Variants in KAZN observed in about 807,000 individuals in gnomAD.
KAZN encodes kazrin, periplakin interacting protein.
KAZN carries 40 observed loss-of-function variants against 87.4 expected under a neutral mutation model. The observed-to-expected ratio is 0.46, with a 90% confidence interval of 0.36 to 0.60. KAZN has a LOEUF of 0.60. KAZN is among the 20% of genes least tolerant of loss of function. The pLI, the probability that KAZN is intolerant of heterozygous loss-of-function variation, is 0.00. For synonymous variants in KAZN, 466 were observed against 458.3 expected, an observed-to-expected ratio of 1.02 and a Z score of -0.22; for missense variants, 898 against 1,073.9, an observed-to-expected ratio of 0.84 and a Z score of 2.29.
intron 8 of KAZN, among the ~76,000 whole-genome samples, chr1:15,087,392 CT>C (rs200078543): frequency 1.4e-5 from 2 of 139,442 alleles, no homozygotes; most frequent in African/African-American, 5.7e-5. Context: ...GCTTAAAGCA[CT>C]TTTTTCTTTT....
intron 1 of KAZN, among the ~76,000 whole-genome samples, chr1:14,671,169 A>C (rs1331674331): frequency 6.6e-6 from 1 of 152,158 alleles, no homozygotes; most frequent in Non-Finnish European, 1.5e-5. Flanking sequence ...GTTGTCCAAT[A>C]TTTGGTTTAT....
At chr1:14,828,183 C>A (rs1324656127) in intron 1 of KAZN, among the ~76,000 whole-genome samples, 1 of 152,210 alleles carries the variant, frequency 6.6e-6, no homozygotes, top group Non-Finnish European at 1.5e-5. Context: ...GTTCAGGGAA[C>A]TTTCTGAATT....
In KAZN at chr1:15,077,422, G is replaced by C. The variant is rs1440122476; in HGVS notation, c.1222+11669G>C. On this transcript the variant is annotated intron_variant, in intron 8 of 14. Transcript: ENST00000376030. This position sits in a 1 kb window ranked among gnomAD's most constrained non-coding sequence, Gnocchi z 4.8. ...GGCCAGGCAGCAGGGCTCCACGCTT[G>C]TTTCTCAACCCAGAGAAGTGTTCCC... 6.6e-6 allele frequency among the ~76,000 whole-genome samples: 1 copy of C among 152,196 alleles called. No individual in the cohort carries two copies. Among genetic ancestry groups the C allele is most frequent in the East Asian group, 1.9e-4 (1 of 5,194 alleles).
chr1:14,082,542 G>A (rs1235634342), intron 1 of KAZN, among the ~76,000 whole-genome samples: 2 of 152,132 alleles, frequency 1.3e-5, no homozygotes, highest in African/African-American at 2.4e-5. Context: ...TTAATAGTGT[G>A]TTCTGGGCAT....
At chr1:14,955,170 A>G (rs12069438) in intron 1 of KAZN, among the ~76,000 whole-genome samples, 11,135 of 152,336 alleles carry the variant, frequency 0.073, 1,374 homozygotes, top group African/African-American at 0.25. Context: ...AGAAAGAAAC[A>G]CAAGTCTTCC....
chr1:14,721,827 A>G (rs535048811), intron 1 of KAZN, among the ~76,000 whole-genome samples: 3 of 151,506 alleles, frequency 2.0e-5, no homozygotes, highest in South Asian at 4.1e-4. Flanking sequence ...GTAGAAATAC[A>G]TATACTCTGG....
chr1:14,928,803 A>G (rs1413131208), intron 1 of KAZN, among the ~76,000 whole-genome samples: 1 of 152,184 alleles, frequency 6.6e-6, no homozygotes, highest in African/African-American at 2.4e-5. Context: ...GTTCTTCTGG[A>G]CAATCAGGGT....
chr1:13,981,089 T>TATATATATATATATATATATATATATA lies in KAZN; in HGVS notation c.91+87333_91+87334insATATATATATATATATATATATATATA, dbSNP rs1553181094. ...TTGGAGAGGTATAAAAAATTACTCT[T>TATATATATATATATATATATATATATA]TATATATATATATATATATATGTAT... is the stretch of plus-strand genomic sequence containing the variant. On this transcript the variant is annotated intron_variant, in intron 1 of 16. Transcript: ENST00000636203. Among the ~76,000 whole-genome samples, 445 of 63,014 alleles carry TATATATATATATATATATATATATATA rather than the reference T, an allele frequency of 7.1e-3. 45 individuals carry two copies. The highest frequency in any genetic ancestry group is 0.014 in the Middle Eastern group (1 of 70). The allele number at this position is 63,014 out of a possible 152,430, so 41.3% of individuals were successfully genotyped here.
chr1:14,931,833 A>G (rs1369577482), intron 1 of KAZN, among the ~76,000 whole-genome samples: 2 of 151,874 alleles, frequency 1.3e-5, no homozygotes. Flanking sequence ...GCACCTTTTC[A>G]CTCCCACCAG....
chr1:14,508,600 G>A (rs928975317), intron 2 of KAZN, among the ~76,000 whole-genome samples: 3 of 152,148 alleles, frequency 2.0e-5, no homozygotes, highest in Admixed American at 6.5e-5. Context: ...CAATAGAGGC[G>A]CTCTCCACTA....
chr1:13,902,104 C>T (rs754548324), intron 1 of KAZN, among the ~76,000 whole-genome samples: 1 of 152,238 alleles, frequency 6.6e-6, no homozygotes, highest in Non-Finnish European at 1.5e-5. Context: ...TGGCTCTCTG[C>T]CCTTGATGGT....
chr1:14,318,663 T>C (rs1655823245), intron 2 of KAZN, among the ~76,000 whole-genome samples: 1 of 152,116 alleles, frequency 6.6e-6, no homozygotes, highest in African/African-American at 2.4e-5. Context: ...CAAACTTCTA[T>C]AACATGTACA....
At chr1:14,292,985 A>C (rs1170360575) in intron 2 of KAZN, among the ~76,000 whole-genome samples, 1 of 152,230 alleles carries the variant, frequency 6.6e-6, no homozygotes, top group Non-Finnish European at 1.5e-5. Context: ...AGCACTGAGC[A>C]TGCTGGTGAA....
chr1:13,894,331 A>G (rs1220026276), intron 1 of KAZN, among the ~76,000 whole-genome samples: 1 of 152,086 alleles, frequency 6.6e-6, no homozygotes, highest in Non-Finnish European at 1.5e-5. Context: ...TACAGAAGGG[A>G]AAGATTGGCA....
At chr1:14,401,845 T>C (rs1663436520) in intron 2 of KAZN, among the ~76,000 whole-genome samples, 1 of 151,918 alleles carries the variant, frequency 6.6e-6, no homozygotes, top group Non-Finnish European at 1.5e-5. Flanking sequence ...ACACCTCTTA[T>C]CAAACTAGAA....
intron 1 of KAZN, among the ~76,000 whole-genome samples, chr1:13,968,557 G>A (rs1341434940): frequency 1.3e-5 from 2 of 152,128 alleles, no homozygotes; most frequent in Non-Finnish European, 2.9e-5. Context: ...CTTCCGCATT[G>A]TCCATTCTGT....
chr1:14,415,661 T>C (rs997588228), intron 2 of KAZN, among the ~76,000 whole-genome samples: 24 of 152,176 alleles, frequency 1.6e-4, no homozygotes, highest in African/African-American at 5.6e-4. Context: ...ACTGGGATCA[T>C]GCAGAGGCTT....
intron 2 of KAZN, among the ~76,000 whole-genome samples, chr1:14,424,932 C>A (rs1450711980): frequency 6.6e-6 from 1 of 152,178 alleles, no homozygotes; most frequent in African/African-American, 2.4e-5. Flanking sequence ...AATATCATAG[C>A]TAAATCATCT....
At chr1:14,628,624 G>A (rs914800313) in intron 1 of KAZN, among the ~76,000 whole-genome samples, 10 of 152,108 alleles carry the variant, frequency 6.6e-5, no homozygotes, top group South Asian at 4.2e-4. Flanking sequence ...GGAGAATGCC[G>A]GGCCAGATAC....
Sources: allele counts gnomAD v4.1 joint callset (sites outside exome capture counted in the v4.1 genomes callset), GRCh38; gene constraint gnomAD v4.1.1; non-coding constraint Gnocchi (gnomAD v3.1); transcripts MANE v1.5; gene names NCBI Gene and HGNC (gene_info 2026-07-23, HGNC 2026-07-21).